CSMD1: variants seen among roughly 807,000 people sequenced by gnomAD.
CSMD1 encodes CUB and Sushi multiple domains 1.
Under a neutral mutation model 417.5 loss-of-function variants are expected in CSMD1, and 213 were observed. The observed-to-expected ratio is 0.51, with a 90% CI of 0.46 to 0.57. CSMD1 has a LOEUF of 0.57. Ranked by LOEUF, CSMD1 falls within the 20% of genes least tolerant of loss-of-function variation. The pLI is 0.00. For synonymous variants in CSMD1, 2,862 were observed against 1,736.8 expected (o/e 1.65, Z -16.11); for missense variants, 6,923 against 4,529.7 (o/e 1.53, Z -15.17).
At chr8:3,845,131 T>C (rs78547078) in intron 5 of CSMD1, among the ~76,000 whole-genome samples, 2,421 of 152,250 alleles carry the variant, frequency 0.016, 65 homozygotes, top group African/African-American at 0.054. Context: ...GGCAAATCTG[T>C]AGACATTGAA....
In CSMD1 at chr8:4,498,288, T is replaced by A. The variant is rs1802077849; in HGVS notation, c.303-78223A>T. ...AACTACTTGTTTCCAAGGTTATTTG[T>A]GAGTGAGGTTGATTTCTATTTTATT... On this transcript the variant is annotated intron_variant, in intron 2 of 69. Coordinates refer to ENST00000635120, the MANE Select transcript of CSMD1 (RefSeq NM_033225.6). Among the ~76,000 whole-genome samples the A allele has an allele frequency of 2.0e-5, 3 of 152,244 alleles. No homozygotes were observed. The South Asian group carries it at 6.2e-4, about 32-fold the overall frequency.
intron 21 of CSMD1, among the ~76,000 whole-genome samples, chr8:3,352,282 C>A (rs1343390707): frequency 6.6e-6 from 1 of 152,156 alleles, no homozygotes; most frequent in Non-Finnish European, 1.5e-5. Flanking sequence ...ATTGCAAACA[C>A]AGCCTGAACC....
chr8:3,090,374 T>C (rs1172221667), intron 48 of CSMD1, among the ~76,000 whole-genome samples: 2 of 140,914 alleles, frequency 1.4e-5, no homozygotes, highest in Non-Finnish European at 3.1e-5. Flanking sequence ...GAACAAGGAG[T>C]TTGCTGAATG....
At chr8:3,932,500 G>T (rs1045686534) in intron 5 of CSMD1, among the ~76,000 whole-genome samples, 1 of 150,438 alleles carries the variant, frequency 6.6e-6, no homozygotes, top group Non-Finnish European at 1.5e-5. Flanking sequence ...TAAGTCTAGG[G>T]AAAGCAGCAG....
chr8:3,769,033 G>C (rs1798437809), intron 5 of CSMD1, among the ~76,000 whole-genome samples: 2 of 152,226 alleles, frequency 1.3e-5, no homozygotes, highest in African/African-American at 2.4e-5. Context: ...AGTTGCTTTT[G>C]GACAGGCAGG....
intron 3 of CSMD1, among the ~76,000 whole-genome samples, chr8:4,166,589 CT>C (rs1301169213): frequency 2.0e-5 from 3 of 152,144 alleles, no homozygotes; most frequent in Non-Finnish European, 4.4e-5. Flanking sequence ...ATATAATGGA[CT>C]TTGGGGACTC....
intron 3 of CSMD1, among the ~76,000 whole-genome samples, chr8:4,309,949 G>C (rs1055285574): frequency 2.6e-5 from 4 of 152,134 alleles, no homozygotes; most frequent in Non-Finnish European, 5.9e-5. Context: ...GTCGATTATA[G>C]TTACCCCTAT....
intron 5 of CSMD1, among the ~76,000 whole-genome samples, chr8:3,912,596 A>G (rs1291292418): frequency 6.6e-6 from 1 of 152,186 alleles, no homozygotes. Flanking sequence ...ATGATAGAAA[A>G]GAGAGAGAAG....
chr8:4,048,382 A>T (rs1212552740), intron 3 of CSMD1, among the ~76,000 whole-genome samples: 1 of 152,170 alleles, frequency 6.6e-6, no homozygotes, highest in South Asian at 2.1e-4. Context: ...AACACAGACA[A>T]TGCTTCCTAG....
chr8:3,403,804 CAT>C (rs1812182887), intron 15 of CSMD1, among the ~76,000 whole-genome samples: 1 of 152,204 alleles, frequency 6.6e-6, no homozygotes, highest in African/African-American at 2.4e-5. Flanking sequence ...TTGAGCACCA[CAT>C]GTGTATATAT....
At chr8:4,126,131 C>T (rs1237123473) in intron 3 of CSMD1, among the ~76,000 whole-genome samples, 2 of 152,204 alleles carry the variant, frequency 1.3e-5, no homozygotes, top group African/African-American at 4.8e-5. Context: ...ATTTCATCTT[C>T]AACCTGACCA....
At chr8:4,344,651 T>G (rs1004004727) in intron 3 of CSMD1, among the ~76,000 whole-genome samples, 1 of 151,810 alleles carries the variant, frequency 6.6e-6, no homozygotes, top group South Asian at 2.1e-4. Context: ...TTAAAAGCAC[T>G]CAAGAATTGA....
intron 7 of CSMD1, among the ~76,000 whole-genome samples, chr8:3,707,537 C>G (rs1801240471): frequency 6.6e-6 from 1 of 152,208 alleles, no homozygotes; most frequent in African/African-American, 2.4e-5. Context: ...AGTCAACCCA[C>G]TTGGTATCTC....
At chr8:3,051,907 T>C (rs1252199166) in intron 50 of CSMD1, among the ~76,000 whole-genome samples, 6 of 152,212 alleles carry the variant, frequency 3.9e-5, no homozygotes, top group Non-Finnish European at 8.8e-5. Context: ...AATTTGTTAC[T>C]CTTTTAAGAT....
intron 39 of CSMD1, among the ~76,000 whole-genome samples, chr8:3,154,121 T>C (rs1819370273): frequency 6.6e-6 from 1 of 152,138 alleles, no homozygotes; most frequent in Non-Finnish European, 1.5e-5. Context: ...CGCCCACAAC[T>C]GCGACTACGC....
intron 5 of CSMD1, among the ~76,000 whole-genome samples, chr8:3,804,869 T>C (rs1585024792): frequency 6.6e-6 from 1 of 152,242 alleles, no homozygotes; most frequent in East Asian, 1.9e-4. Flanking sequence ...TGTTACATGA[T>C]TATAAAAAAG....
intron 2 of CSMD1, among the ~76,000 whole-genome samples, chr8:4,526,291 A>C (rs764511744): frequency 6.6e-6 from 1 of 152,218 alleles, no homozygotes; most frequent in African/African-American, 2.4e-5. Context: ...CAAGCTCTAC[A>C]TAATAGGAAA....
In CSMD1 at chr8:3,981,811, C is replaced by G. The variant is rs555261194; in HGVS notation, c.818+16092G>C. On this transcript the variant is annotated intron_variant, in intron 5 of 69. Coordinates refer to ENST00000635120, the MANE Select transcript of CSMD1 (RefSeq NM_033225.6). ...CAAGAGAAGAGGCAGTTAGCAGAGC[C>G]TCACTTTTCAGTGAGTCAGCAGGAG... Among the ~76,000 whole-genome samples the G allele has an allele frequency of 1.1e-3, 174 of 152,286 alleles. 1 individual carries two copies. Among genetic ancestry groups the G allele is most frequent in the Non-Finnish European group, 1.4e-3 (94 of 68,024 alleles).
chr8:3,680,473 C>A (rs893562766), intron 7 of CSMD1, among the ~76,000 whole-genome samples: 1 of 152,124 alleles, frequency 6.6e-6, no homozygotes, highest in African/African-American at 2.4e-5. Context: ...TACACCCTCC[C>A]AAGACTAAAC....
Sources: gnomAD v4.1 joint callset for allele counts (sites outside exome capture counted in the v4.1 genomes callset) on GRCh38, gnomAD v4.1.1 for gene constraint, MANE v1.5 for transcripts, NCBI Gene and HGNC (gene_info 2026-07-23, HGNC 2026-07-21) for gene names.